PRR16: variants seen among roughly 807,000 people sequenced by gnomAD.
The protein encoded by PRR16 is proline rich 16.
Under a neutral mutation model 18.2 loss-of-function variants are expected in PRR16, and 6 were observed. The ratio of observed to expected loss-of-function variants is 0.33; its 90% CI spans 0.18 to 0.65. The LOEUF (loss-of-function observed/expected upper bound fraction) is 0.65. PRR16 is among the 30% of genes least tolerant of loss of function. The probability of loss-of-function intolerance (pLI) is 0.74; values close to 1 mark genes in which losing one functional copy is unlikely to be tolerated. For synonymous variants in PRR16, 151 were observed against 147.8 expected, an observed-to-expected ratio of 1.02 and a Z score of -0.16; for missense variants, 412 against 376.6, an observed-to-expected ratio of 1.09 and a Z score of -0.78.
the PRR16 span, among the ~76,000 whole-genome samples, chr5:120,746,009 G>A: frequency 6.6e-6 from 1 of 151,872 alleles, no homozygotes. Flanking sequence ...ACCACGTGTG[G>A]CCTTTAGCCT....
At chr5:120,564,370 C>G (rs1034125619) in intron 1 of PRR16, among the ~76,000 whole-genome samples, 1 of 152,082 alleles carries the variant, frequency 6.6e-6, no homozygotes, top group African/African-American at 2.4e-5. Flanking sequence ...TCAAGTTTAC[C>G]TAGCACCCCA....
chr5:120,637,067 T>C (rs752516088), intron 1 of PRR16, among the ~76,000 whole-genome samples: 2 of 151,636 alleles, frequency 1.3e-5, no homozygotes, highest in Non-Finnish European at 2.9e-5. Context: ...GAAGTAGAAA[T>C]CAAAACCACA....
the PRR16 span, among the ~76,000 whole-genome samples, chr5:120,778,254 A>G: frequency 2.0e-5 from 3 of 152,118 alleles, no homozygotes; most frequent in African/African-American, 7.2e-5. Context: ...ATACCTGCCA[A>G]TTAAACTTGT....
At chr5:120,643,101 G>A (rs1166984788) in intron 1 of PRR16, among the ~76,000 whole-genome samples, 2 of 151,748 alleles carry the variant, frequency 1.3e-5, no homozygotes, top group Non-Finnish European at 2.9e-5. Flanking sequence ...AGTGATATGG[G>A]CCTTCATTTT....
the PRR16 span, among the ~76,000 whole-genome samples, chr5:120,750,547 A>G: frequency 2.0e-5 from 3 of 151,864 alleles, no homozygotes; most frequent in African/African-American, 7.3e-5. Context: ...CATACCTGTA[A>G]TCCCAGTTAC....
At chr5:120,671,850 C>T (rs752272613) in intron 1 of PRR16, among the ~76,000 whole-genome samples, 23 of 152,068 alleles carry the variant, frequency 1.5e-4, no homozygotes, top group African/African-American at 4.8e-4. Context: ...TTAGAAATCT[C>T]ATGAACATAA....
At chr5:120,620,930 G>A (rs1047605315) in intron 1 of PRR16, among the ~76,000 whole-genome samples, 2 of 152,074 alleles carry the variant, frequency 1.3e-5, no homozygotes, top group African/African-American at 4.8e-5. Flanking sequence ...CACATAGAAA[G>A]CAGAACTTCA....
chr5:120,629,162 A>G (rs939865316), intron 1 of PRR16, among the ~76,000 whole-genome samples: 4 of 152,024 alleles, frequency 2.6e-5, no homozygotes, highest in Non-Finnish European at 5.9e-5. Flanking sequence ...TGTTAGTTTG[A>G]TTAGGATAAT....
intron 1 of PRR16, among the ~76,000 whole-genome samples, chr5:120,632,561 A>G (rs1755093275): frequency 6.6e-6 from 1 of 152,178 alleles, no homozygotes; most frequent in African/African-American, 2.4e-5. Context: ...AATCAAGGAC[A>G]CACTTAGAAA....
chr5:120,793,559 T>G, the PRR16 span, among the ~76,000 whole-genome samples: 4 of 151,970 alleles, frequency 2.6e-5, no homozygotes, highest in African/African-American at 9.7e-5. Context: ...AAGAGAGTAG[T>G]GCAGAGAAGA....
At chr5:120,641,543 G>A (rs956163775) in intron 1 of PRR16, among the ~76,000 whole-genome samples, 1 of 152,024 alleles carries the variant, frequency 6.6e-6, no homozygotes, top group East Asian at 1.9e-4. Context: ...ACACTGCCCT[G>A]CATGAAGTGA....
chr5:120,607,963 G>A (rs1194978694), intron 1 of PRR16, among the ~76,000 whole-genome samples: 4 of 151,870 alleles, frequency 2.6e-5, no homozygotes, highest in Non-Finnish European at 4.4e-5. Flanking sequence ...TTTGAATCAC[G>A]ACTTTCTCCA....
At chr5:120,791,522 A>C in the PRR16 span, among the ~76,000 whole-genome samples, 1 of 151,958 alleles carries the variant, frequency 6.6e-6, no homozygotes, top group East Asian at 1.9e-4. Context: ...GATTAAAAAA[A>C]AAGGTCACTA....
intron 1 of PRR16, among the ~76,000 whole-genome samples, chr5:120,607,642 G>A (rs902186502): frequency 3.9e-5 from 6 of 151,918 alleles, no homozygotes. Flanking sequence ...CACAAGGATA[G>A]CAATTTCCTA....
At chr5:120,505,944 GTGTATATA>G (rs374293151) in intron 1 of PRR16, among the ~76,000 whole-genome samples, 2 of 123,962 alleles carry the variant, frequency 1.6e-5, no homozygotes, top group African/African-American at 7.2e-5. Context: ...ATGTGTGTGT[GTGTATATA>G]TATATATATA....
chr5:120,754,222 A>G, the PRR16 span, among the ~76,000 whole-genome samples: 1 of 61,404 alleles, frequency 1.6e-5, no homozygotes, highest in African/African-American at 6.3e-5. Flanking sequence ...ATATTATAAT[A>G]TATAATATAA....
At chr5:120,750,553 G>A in the PRR16 span, among the ~76,000 whole-genome samples, 3 of 151,884 alleles carry the variant, frequency 2.0e-5, no homozygotes, top group African/African-American at 7.3e-5. Context: ...TGTAATCCCA[G>A]TTACTGAGGA....
the PRR16 span, among the ~76,000 whole-genome samples, chr5:120,747,754 A>G: frequency 6.6e-6 from 1 of 151,796 alleles, no homozygotes; most frequent in East Asian, 1.9e-4. Flanking sequence ...AAGGAAGAGA[A>G]AGATGAAGGA....
chr5:120,571,258 G>C (rs1311126140), intron 1 of PRR16, among the ~76,000 whole-genome samples: 1 of 152,148 alleles, frequency 6.6e-6, no homozygotes, highest in Non-Finnish European at 1.5e-5. Flanking sequence ...TTTTTGCACA[G>C]ATGCAGTGTG....
Sources: allele counts gnomAD v4.1 joint callset (sites outside exome capture counted in the v4.1 genomes callset), GRCh38; gene constraint gnomAD v4.1.1; transcripts MANE v1.5; gene names NCBI Gene and HGNC (gene_info 2026-07-23, HGNC 2026-07-21).